ZNF804A: variants seen among roughly 807,000 people sequenced by gnomAD.
ZNF804A encodes the protein zinc finger protein 804A.
Under a neutral mutation model 16.5 loss-of-function variants are expected in ZNF804A, and 2 were observed. That is an observed-to-expected ratio of 0.12 (90% CI 0.05 to 0.38). The LOEUF is 0.38. ZNF804A is among the 10% of genes least tolerant of loss of function. The pLI is 0.99. For missense variants in ZNF804A, 1,473 were observed against 1,390.7 expected, an observed-to-expected ratio of 1.06 and a Z score of -0.94; for synonymous variants, 534 against 489.6, an observed-to-expected ratio of 1.09 and a Z score of -1.20.
intron 1 of ZNF804A, among the ~76,000 whole-genome samples, chr2:184,754,479 A>G (rs1693927658): frequency 6.6e-6 from 1 of 151,890 alleles, no homozygotes; most frequent in Admixed American, 6.6e-5. Flanking sequence ...CATATGTGCT[A>G]TTCATGAGCA....
chr2:184,933,746 T>C lies in ZNF804A; in HGVS notation c.386+13T>C, dbSNP rs1685741566. On this transcript the variant is annotated intron_variant, in intron 3 of 3. Coordinates refer to ENST00000302277, the MANE Select transcript of ZNF804A (RefSeq NM_194250.2). ...AGGAAACTGTATGGTGAGTATCCAA[T>C]GAAATTGTAAGTTTTCTTAAAACAT... 1 of 1,589,236 alleles carries C rather than the reference T, an allele frequency of 6.3e-7. No individual in the cohort carries two copies. Among genetic ancestry groups the C allele is most frequent in the Non-Finnish European group, 8.5e-7 (1 of 1,173,186 alleles).
intron 1 of ZNF804A, among the ~76,000 whole-genome samples, chr2:184,709,028 T>C (rs2045939724): frequency 6.6e-6 from 1 of 152,114 alleles, no homozygotes; most frequent in South Asian, 2.1e-4. Flanking sequence ...GATGAAACCT[T>C]CCTGGCTATC....
intron 2 of ZNF804A, among the ~76,000 whole-genome samples, chr2:184,872,199 G>A (rs1402430263): frequency 2.0e-5 from 3 of 152,026 alleles, no homozygotes; most frequent in Non-Finnish European, 4.4e-5. Context: ...CTTCTGATCT[G>A]CTGATCAGAC....
chr2:184,894,895 G>A lies in ZNF804A; in HGVS notation c.255+28383G>A, dbSNP rs563738219. On this transcript the variant is annotated intron_variant, in intron 2 of 3. Transcript: ENST00000302277. ...TTTTTAGTAGAGGCGGGGTTTCACC[G>A]TGTTAGCCAGGATGGTCTCCATCTC... is the stretch of plus-strand genomic sequence containing the variant. Among the ~76,000 whole-genome samples, 6 of 151,890 alleles carry A rather than the reference G, an allele frequency of 4.0e-5. No homozygotes were observed. In the East Asian group the frequency reaches 9.7e-4, roughly 25 times the overall value.
At chr2:184,631,025 C>T (rs1342317288) in intron 1 of ZNF804A, among the ~76,000 whole-genome samples, 1 of 151,972 alleles carries the variant, frequency 6.6e-6, no homozygotes, top group Non-Finnish European at 1.5e-5. Flanking sequence ...AACTATGTTG[C>T]TGTTGAACTA....
chr2:184,647,549 T>C (rs1169983347), intron 1 of ZNF804A, among the ~76,000 whole-genome samples: 2 of 152,002 alleles, frequency 1.3e-5, no homozygotes, highest in African/African-American at 4.8e-5. Flanking sequence ...AAATAAATCA[T>C]TCAGAGCATC....
intron 2 of ZNF804A, among the ~76,000 whole-genome samples, chr2:184,896,340 C>G (rs1685069135): frequency 6.6e-6 from 1 of 152,080 alleles, no homozygotes; most frequent in East Asian, 1.9e-4. Flanking sequence ...AAGAGCCACT[C>G]ATGTCATGAA....
At position 184,936,207 on chromosome 2, in the gene ZNF804A, T is replaced by C. The variant is rs1414729877; in HGVS notation, c.811T>C (p.Ser271Pro). 5 of 1,613,906 alleles carry C rather than the reference T, an allele frequency of 3.1e-6. No individual in the cohort carries two copies. Among genetic ancestry groups the C allele is most frequent in the Non-Finnish European group, 4.2e-6 (5 of 1,179,946 alleles). The stretch of plus-strand genomic sequence containing the variant: ...TTCACCAACAGATGTGCTTTTGAGT[T>C]CTGAGGAGAAAACTAACTCTTTTCA... ...QSSPTDVLLS[S>P]EEKTNSFHPP... Residue 271 changes from serine (S) to proline (P), a missense_variant, in exon 4 of 4, where the codon TCT becomes CCT. Coordinates refer to ENST00000302277, the MANE Select transcript of ZNF804A (RefSeq NM_194250.2).
At chr2:184,765,074 T>G (rs1168076941) in intron 1 of ZNF804A, among the ~76,000 whole-genome samples, 1 of 152,220 alleles carries the variant, frequency 6.6e-6, no homozygotes, top group Non-Finnish European at 1.5e-5. Context: ...AGCCAGATTC[T>G]GAACTGTCTT....
intron 1 of ZNF804A, among the ~76,000 whole-genome samples, chr2:184,802,750 A>G (rs1381465992): frequency 6.6e-6 from 1 of 152,202 alleles, no homozygotes; most frequent in African/African-American, 2.4e-5. Context: ...GAAAGCTAAA[A>G]TAAGAATTCC....
At chr2:184,762,500 C>A (rs977823020) in intron 1 of ZNF804A, among the ~76,000 whole-genome samples, 3 of 151,700 alleles carry the variant, frequency 2.0e-5, no homozygotes, top group African/African-American at 7.3e-5. Context: ...AATATTGTGT[C>A]TTTTTAAATG....
chr2:184,757,369 C>T (rs1035527979), intron 1 of ZNF804A, among the ~76,000 whole-genome samples: 1 of 151,938 alleles, frequency 6.6e-6, no homozygotes, highest in Non-Finnish European at 1.5e-5. Context: ...ACCTCTTAAA[C>T]ATGTGCAGGT....
At chr2:184,764,811 A>T (rs150300807) in intron 1 of ZNF804A, among the ~76,000 whole-genome samples, 106 of 152,322 alleles carry the variant, frequency 7.0e-4, no homozygotes, top group African/African-American at 2.5e-3. Context: ...GTTTATGAAA[A>T]AAATGATGTG....
chr2:184,640,717 AATAAAAG>A (rs1413421329), intron 1 of ZNF804A, among the ~76,000 whole-genome samples: 1 of 152,188 alleles, frequency 6.6e-6, no homozygotes, highest in African/African-American at 2.4e-5. Context: ...ATTATATTAG[AATAAAAG>A]ATAAAAGACA....
intron 1 of ZNF804A, among the ~76,000 whole-genome samples, chr2:184,692,360 A>G (rs1465335964): frequency 5.3e-5 from 8 of 152,230 alleles, no homozygotes; most frequent in Non-Finnish European, 1.0e-4. Context: ...ATAAGATCCC[A>G]GGAGACTTTA....
At chr2:184,658,588 G>A (rs1692118533) in intron 1 of ZNF804A, among the ~76,000 whole-genome samples, 1 of 152,134 alleles carries the variant, frequency 6.6e-6, no homozygotes, top group African/African-American at 2.4e-5. Context: ...TTTAGATTTA[G>A]GCTATGAGAA....
intron 1 of ZNF804A, among the ~76,000 whole-genome samples, chr2:184,652,320 G>A (rs932281916): frequency 2.0e-5 from 3 of 152,072 alleles, no homozygotes; most frequent in African/African-American, 7.2e-5. Context: ...GGGTTGATAA[G>A]CTACCTATTG....
At chr2:184,728,606 C>G (rs1693461912) in intron 1 of ZNF804A, among the ~76,000 whole-genome samples, 1 of 151,860 alleles carries the variant, frequency 6.6e-6, no homozygotes, top group African/African-American at 2.4e-5. Context: ...ATTCTAATTC[C>G]TCAGTACAGA....
intron 1 of ZNF804A, among the ~76,000 whole-genome samples, chr2:184,792,689 TA>T (rs1044624625): frequency 4.1e-4 from 62 of 152,316 alleles, no homozygotes; most frequent in African/African-American, 1.4e-3. Flanking sequence ...AGTTCATCAA[TA>T]ATTTTTTTAC....
Sources: allele counts gnomAD v4.1 joint callset (sites outside exome capture counted in the v4.1 genomes callset), GRCh38; gene constraint gnomAD v4.1.1; transcripts MANE v1.5; gene names NCBI Gene and HGNC (gene_info 2026-07-23, HGNC 2026-07-21).